The following ERN1 variants were observed in gnomAD, a reference collection of about 807,000 sequenced individuals.
The protein encoded by ERN1 is serine/threonine-protein kinase/endoribonuclease IRE1.
Under a neutral mutation model 113.1 loss-of-function variants are expected in ERN1, and 39 were observed. The ratio of observed to expected loss-of-function variants is 0.34; its 90% confidence interval spans 0.27 to 0.45. ERN1 has a LOEUF of 0.45. Ranked by LOEUF, ERN1 falls within the 20% of genes least tolerant of loss-of-function variation. ERN1 has a pLI of 1.00. For synonymous variants in ERN1, 507 were observed against 515.9 expected (o/e 0.98, Z 0.23); for missense variants, 976 against 1,274.8 (o/e 0.77, Z 3.57).
chr17:64,093,596 T>C lies in ERN1; in HGVS notation c.175+4525A>G, dbSNP rs201052347. Among the ~76,000 whole-genome samples the C allele has an allele frequency of 8.5e-5, 13 of 152,346 alleles. No homozygotes were observed. In the East Asian group the frequency reaches 1.3e-3, roughly 16 times the overall value. ...CTTGCAGACGGCCACCTTCTCACCA[T>C]GTCCTCACATGGTGGAGAGAGAATG... On this transcript the variant is annotated intron_variant, in intron 2 of 21. Transcript: ENST00000433197.
rs140972370 is a variant in ERN1, at chr17:64,094,448, G to A, written c.175+3673C>T. ...TATTTCTTTTTGAAACTGTGTATAC[G>A]TAGTTTACTGACTATAAATTTTGTT... On this transcript the variant is annotated intron_variant, in intron 2 of 21. Coordinates refer to ENST00000433197, the MANE Select transcript of ERN1 (RefSeq NM_001433.5). Among the ~76,000 whole-genome samples the A allele has an allele frequency of 2.1e-3, 321 of 152,180 alleles. 4 individuals carry two copies. The highest frequency in any genetic ancestry group is 7.4e-3 in the African/African-American group (309 of 41,508).
intron 1 of ERN1, among the ~76,000 whole-genome samples, chr17:64,114,338 T>C (rs994910009): frequency 1.3e-5 from 2 of 152,180 alleles, no homozygotes; most frequent in African/African-American, 4.8e-5. Flanking sequence ...AGGGACATAC[T>C]GGAAACTGCG....
chr17:64,066,451 A>G (rs2143375242), intron 8 of ERN1, among the ~76,000 whole-genome samples: 1 of 152,242 alleles, frequency 6.6e-6, no homozygotes, highest in Admixed American at 6.5e-5. Context: ...CCTCCCATCC[A>G]TGATTTTTAT....
At chr17:64,107,102 C>T (rs1196124369) in intron 1 of ERN1, among the ~76,000 whole-genome samples, 1 of 151,970 alleles carries the variant, frequency 6.6e-6, no homozygotes, top group Non-Finnish European at 1.5e-5. Context: ...CCGATCATGG[C>T]CAAAAAGACA....
At chr17:64,095,769 CCTCT>C (rs1488384044) in intron 2 of ERN1, among the ~76,000 whole-genome samples, 2 of 152,326 alleles carry the variant, frequency 1.3e-5, no homozygotes, top group South Asian at 2.1e-4. Context: ...ATCCTCCCTC[CCTCT>C]ACCTGGAAAC....
chr17:64,124,424 A>G lies in ERN1; in HGVS notation c.54+5552T>C, dbSNP rs372629712. On this transcript the variant is annotated intron_variant, in intron 1 of 21. Coordinates refer to ENST00000433197, the MANE Select transcript of ERN1 (RefSeq NM_001433.5). ...CAAATCTCATCTTGTAGCTCCCACTATTCCCATGTGCTGTTGGAGGGACCC... is the reference window on the plus strand; with the variant it reads ...CAAATCTCATCTTGTAGCTCCCACTGTTCCCATGTGCTGTTGGAGGGACCC... Among the ~76,000 whole-genome samples the G allele has an allele frequency of 8.4e-4, 128 of 152,308 alleles. 1 individual carries two copies. Among genetic ancestry groups the G allele is most frequent in the African/African-American group, 3.0e-3 (125 of 41,580 alleles).
Position 64,054,854 on chromosome 17 carries a change from T to C in ERN1, c.1673-26A>G, listed in dbSNP as rs372494396. The C allele has an allele frequency of 2.6e-6, 4 of 1,534,978 alleles. No individual in the cohort carries two copies. In the Admixed American group the frequency reaches 7.2e-5, roughly 28 times the overall value. On this transcript the variant is annotated intron_variant, in intron 13 of 21. Coordinates refer to ENST00000433197, the MANE Select transcript of ERN1 (RefSeq NM_001433.5). The surrounding 1 kb of genome is among the most constrained non-coding windows in gnomAD (Gnocchi z 4.9). ...CTGGGACAAAATAGGAAAAAGAGAT[T>C]GTTTCAAACAGATATCACCTAAAGA...
intron 13 of ERN1, among the ~76,000 whole-genome samples, chr17:64,055,184 A>C (rs1373344702): frequency 6.6e-6 from 1 of 152,258 alleles, no homozygotes; most frequent in East Asian, 1.9e-4. Flanking sequence ...TCCACTGTAA[A>C]GATCCGCACT....
chr17:64,119,173 C>T (rs1460554845), intron 1 of ERN1, among the ~76,000 whole-genome samples: 1 of 151,762 alleles, frequency 6.6e-6, no homozygotes, highest in African/African-American at 2.4e-5. Context: ...AAGCATAAGT[C>T]GGGTAACTTT....
intron 1 of ERN1, among the ~76,000 whole-genome samples, chr17:64,103,933 ACAACCAG>A (rs956521636): frequency 2.0e-5 from 3 of 152,140 alleles, no homozygotes; most frequent in Non-Finnish European, 2.9e-5. Flanking sequence ...TGGCTAGAGA[ACAACCAG>A]CAAAAAAACC....
In ERN1 at chr17:64,097,927, C is replaced by G. The variant is rs561550666; in HGVS notation, c.175+194G>C. ...ATAAAACGTGCTTCTTTAACTGATG[C>G]ACTTAGTGGATAACCACAGCAAAGC... On this transcript the variant is annotated intron_variant, in intron 2 of 21. Coordinates refer to ENST00000433197, the MANE Select transcript of ERN1 (RefSeq NM_001433.5). 341 of 636,230 alleles carry G rather than the reference C, an allele frequency of 5.4e-4. 1 individual carries two copies. The South Asian group carries it at 7.0e-3, about 13-fold the overall frequency. The allele number at this position is 636,230 out of a possible 1,614,324, so 39.4% of individuals were successfully genotyped here. A position where few individuals can be genotyped will look rare whatever the true frequency, so the allele number is the denominator to read the frequency against.
At chr17:64,078,646 G>C (rs1018290501) in intron 4 of ERN1, among the ~76,000 whole-genome samples, 1 of 152,110 alleles carries the variant, frequency 6.6e-6, no homozygotes, top group Non-Finnish European at 1.5e-5. Flanking sequence ...TGTGTTGTAG[G>C]GGGGTAGGAG....
intron 2 of ERN1, 114 bp downstream of exon 2, chr17:64,098,007 A>C (rs1358513105): frequency 2.2e-6 from 3 of 1,344,910 alleles, no homozygotes; most frequent in Non-Finnish European, 3.1e-6. Context: ...ATTCTTCTTT[A>C]TTTCTTATTT....
Position 64,109,888 on chromosome 17 carries a change from C to A in ERN1, c.55-11647G>T, listed in dbSNP as rs1015999677. On this transcript the variant is annotated intron_variant, in intron 1 of 21. Transcript: ENST00000433197. ...GAGCCAAAGCCTAAATTACTTCAGG[C>A]CTGAAGCTCCCCCTTTGAATCCTGC... Among the ~76,000 whole-genome samples the A allele has an allele frequency of 4.6e-5, 7 of 152,154 alleles. No homozygotes were observed. In the East Asian group the frequency reaches 1.3e-3, roughly 29 times the overall value.
chr17:64,100,335 C>G (rs1914350886), intron 1 of ERN1, among the ~76,000 whole-genome samples: 1 of 152,054 alleles, frequency 6.6e-6, no homozygotes, highest in Non-Finnish European at 1.5e-5. Flanking sequence ...AATGAAAGGG[C>G]AAATTATGCA....
In ERN1 at chr17:64,039,869, C is replaced by T. The variant is rs1193112819; in HGVS notation, c.*4119G>A. On this transcript the variant is annotated 3_prime_UTR_variant, in exon 22 of 22. Coordinates refer to ENST00000433197, the MANE Select transcript of ERN1 (RefSeq NM_001433.5). Reference sequence around the variant, plus strand: ...TGGTTAAGGCTGCTCCAGTGGGAGGCTCACTGCAGTCACGTTCTTTGTGGC... The same window carrying T: ...TGGTTAAGGCTGCTCCAGTGGGAGGTTCACTGCAGTCACGTTCTTTGTGGC... The T allele has an allele frequency of 2.6e-5, 4 of 152,176 alleles. No individual in the cohort carries two copies. Among genetic ancestry groups the T allele is most frequent in the Non-Finnish European group, 5.9e-5 (4 of 68,034 alleles). 9.4% of individuals were successfully genotyped at this position (152,176 alleles called of 1,614,324 possible).
chr17:64,084,371 A>T (rs4968608), intron 2 of ERN1, among the ~76,000 whole-genome samples: 63,951 of 151,886 alleles, frequency 0.42, 18,185 homozygotes, highest in African/African-American at 0.81. Context: ...TCAACACCAT[A>T]GGAACCCTTT....
chr17:64,079,568 C>A, intron 4 of ERN1, 94 bp downstream of exon 4: 1 of 1,004,298 alleles, frequency 1.0e-6, no homozygotes, highest in Non-Finnish European at 1.5e-6. Flanking sequence ...TTTAAAAGCT[C>A]CAGGTGGGAG....
At position 64,043,751 on chromosome 17, in the gene ERN1, C is replaced by T. The variant is rs1912413785; in HGVS notation, c.*237G>A. 1 of 425,522 alleles carries T rather than the reference C, an allele frequency of 2.4e-6. No homozygotes were observed. The highest frequency in any genetic ancestry group is 3.6e-5 in the East Asian group (1 of 28,068). 26.4% of individuals were successfully genotyped at this position (425,522 alleles called of 1,614,324 possible). On this transcript the variant is annotated 3_prime_UTR_variant, in exon 22 of 22. Transcript: ENST00000433197. ...CTCTGAGGCCCTCCTTTGCAGACATCATGACCGTAAGGCTTTTGGGGCCAG... is the reference window on the plus strand; with the variant it reads ...CTCTGAGGCCCTCCTTTGCAGACATTATGACCGTAAGGCTTTTGGGGCCAG...
Sources: gnomAD v4.1 joint callset for allele counts (sites outside exome capture counted in the v4.1 genomes callset) on GRCh38, gnomAD v4.1.1 for gene constraint, Gnocchi (gnomAD v3.1) non-coding constraint, MANE v1.5 for transcripts, NCBI Gene and HGNC (gene_info 2026-07-23, HGNC 2026-07-21) for gene names.